TCERG1: variants seen among roughly 807,000 people sequenced by gnomAD.
TCERG1 encodes the protein transcription elongation regulator 1, also known as TATA box binding protein (TBP)-associated factor, RNA polymerase II, S, 150kD.
A neutral mutation model predicts 144.7 loss-of-function variants in TCERG1; 37 were observed. The ratio of observed to expected loss-of-function variants is 0.26; its 90% confidence interval spans 0.20 to 0.34. The LOEUF (loss-of-function observed/expected upper bound fraction) is 0.34. TCERG1 is among the 10% of genes least tolerant of loss of function. The pLI is 1.00. For missense variants in TCERG1, 1,027 were observed against 1,380.7 expected (o/e 0.74, Z 4.06); for synonymous variants, 492 against 458.2 (o/e 1.07, Z -0.94).
intron 1 of TCERG1, among the ~76,000 whole-genome samples, chr5:146,448,227 G>A (rs1335782327): frequency 6.6e-6 from 1 of 152,192 alleles, no homozygotes; most frequent in Non-Finnish European, 1.5e-5. Context: ...GTGGCTCCAG[G>A]AAGTGGCTTG....
At chr5:146,451,319 C>CTTTTTTTTTTTTTTTTTTTTTTTT (rs56346846) in intron 1 of TCERG1, among the ~76,000 whole-genome samples, 1 of 138,892 alleles carries the variant, frequency 7.2e-6, no homozygotes, top group Non-Finnish European at 1.5e-5. Context: ...ATCCATATTC[C>CTTTTTTTTTTTTTTTTTTTTTTTT]TTTTTTTTTT....
chr5:146,463,548 C>CA lies in TCERG1; in HGVS notation c.893-2dup. ...TACATGTTTTTGTTTTATCTTTTAT[C>CA]AGCACCCACAACACAAGATCAGACC... On this transcript the variant is annotated splice_region_variant and splice_polypyrimidine_tract_variant and intron_variant, in intron 4 of 22. Coordinates refer to ENST00000679501, the MANE Select transcript of TCERG1 (RefSeq NM_001382548.1). The CA allele has an allele frequency of 6.2e-7, 1 of 1,613,948 alleles. No individual in the cohort carries two copies. The highest frequency in any genetic ancestry group is 8.5e-7 in the Non-Finnish European group (1 of 1,179,940).
In TCERG1 at chr5:146,471,583, A is replaced by G. The variant is rs751042444; in HGVS notation, c.1601+7A>G. On this transcript the variant is annotated splice_region_variant and intron_variant, in intron 9 of 22. Transcript: ENST00000679501. ...CTATTCCTGGTACTCCATGGTATGTATTTGGCTCAAGTAGTAATTTTTTTT... is the reference window on the plus strand; with the variant it reads ...CTATTCCTGGTACTCCATGGTATGTGTTTGGCTCAAGTAGTAATTTTTTTT... 57 of 1,602,442 alleles carry G rather than the reference A, an allele frequency of 3.6e-5. No individual in the cohort carries two copies. The Middle Eastern group carries it at 1.2e-3, about 33-fold the overall frequency.
chr5:146,448,148 C>G (rs1762056837), intron 1 of TCERG1, among the ~76,000 whole-genome samples: 1 of 152,140 alleles, frequency 6.6e-6, no homozygotes, highest in Admixed American at 6.5e-5. Flanking sequence ...TGTTACTCGC[C>G]CATCTTACAG....
intron 1 of TCERG1, among the ~76,000 whole-genome samples, chr5:146,454,581 G>GT (rs1391609927): frequency 6.8e-6 from 1 of 147,240 alleles, no homozygotes; most frequent in Non-Finnish European, 1.5e-5. Context: ...TTTTTTTTTT[G>GT]TTTTTTTGGT....
chr5:146,468,550 A>G (rs150462342), intron 6 of TCERG1, 147 bp downstream of exon 6: 4 of 618,504 alleles, frequency 6.5e-6, no homozygotes, highest in Non-Finnish European at 7.7e-6. Flanking sequence ...TGCAGTTGTC[A>G]TATTTGGCCA....
At chr5:146,457,830 G>C (rs1762961223) in intron 3 of TCERG1, among the ~76,000 whole-genome samples, 1 of 152,138 alleles carries the variant, frequency 6.6e-6, no homozygotes, top group African/African-American at 2.4e-5. Context: ...GCTGTGGGGT[G>C]GAATTACCTA....
In TCERG1 at chr5:146,494,707, C is replaced by T. The variant is rs150853296; in HGVS notation, c.2282+1669C>T. Among the ~76,000 whole-genome samples the T allele has an allele frequency of 2.6e-5, 4 of 152,008 alleles. No individual in the cohort carries two copies. The East Asian group carries it at 7.7e-4, about 29-fold the overall frequency. ...TTTTTTAAAGTGGGAAAAAATATTG[C>T]AGAACCTTTTAGTAGAGCTAGTAAA... On this transcript the variant is annotated intron_variant, in intron 16 of 22. Coordinates refer to ENST00000679501, the MANE Select transcript of TCERG1 (RefSeq NM_001382548.1).
chr5:146,447,461 A>G (rs1249369248), intron 1 of TCERG1, 53 bp downstream of exon 1: 2 of 1,579,758 alleles, frequency 1.3e-6, no homozygotes, highest in Non-Finnish European at 1.7e-6. Context: ...CCCAGAGGCT[A>G]GACGCTAGAC....
chr5:146,481,871 G>A (rs1765393909), intron 13 of TCERG1: 1 of 152,070 alleles, frequency 6.6e-6, no homozygotes, highest in African/African-American at 2.4e-5. Flanking sequence ...CCTTACACCT[G>A]AGGTGCATTT....
At chr5:146,487,038 C>T (rs144925837) in intron 15 of TCERG1, among the ~76,000 whole-genome samples, 4 of 151,926 alleles carry the variant, frequency 2.6e-5, no homozygotes, top group East Asian at 3.9e-4. Context: ...TGCAGTGAAC[C>T]GAGATTGTGC....
At chr5:146,474,374 C>T (rs995508924) in intron 9 of TCERG1, among the ~76,000 whole-genome samples, 16 of 152,288 alleles carry the variant, frequency 1.1e-4, no homozygotes, top group Middle Eastern at 3.4e-3. Context: ...TCAGGAGTTG[C>T]TTCTTATGTA....
At chr5:146,487,056 CT>C (rs1765904943) in intron 15 of TCERG1, among the ~76,000 whole-genome samples, 1 of 151,716 alleles carries the variant, frequency 6.6e-6, no homozygotes, top group Admixed American at 6.6e-5. Flanking sequence ...TGCCATCGCA[CT>C]CCACCCTGGG....
At chr5:146,454,593 GTTT>G (rs1762663748) in intron 1 of TCERG1, among the ~76,000 whole-genome samples, 2 of 150,826 alleles carry the variant, frequency 1.3e-5, no homozygotes, top group African/African-American at 4.9e-5. Flanking sequence ...TTTTTTGGTT[GTTT>G]GTTTGTTTGT....
chr5:146,457,541 C>A (rs1046154421), intron 3 of TCERG1, among the ~76,000 whole-genome samples: 1 of 152,214 alleles, frequency 6.6e-6, no homozygotes, highest in Non-Finnish European at 1.5e-5. Context: ...ACACATTTAC[C>A]TGTGATTCTG....
At chr5:146,475,482 C>G (rs1389768469) in intron 9 of TCERG1, among the ~76,000 whole-genome samples, 1 of 152,096 alleles carries the variant, frequency 6.6e-6, no homozygotes, top group African/African-American at 2.4e-5. Flanking sequence ...CTCTAAACAT[C>G]CTATTATGCA....
At chr5:146,458,155 GTTATTTTATT>G (rs576690412) in intron 3 of TCERG1, among the ~76,000 whole-genome samples, 1 of 151,540 alleles carries the variant, frequency 6.6e-6, no homozygotes, top group African/African-American at 2.4e-5. Context: ...CTGGCCCTAA[GTTATTTTATT>G]TTATTTTATT....
chr5:146,475,169 G>T (rs1441993814), intron 9 of TCERG1, among the ~76,000 whole-genome samples: 1 of 152,088 alleles, frequency 6.6e-6, no homozygotes, highest in Non-Finnish European at 1.5e-5. Context: ...TGTTATTGAA[G>T]AAATAAATGT....
At chr5:146,456,785 T>A (rs1005103958) in intron 2 of TCERG1, among the ~76,000 whole-genome samples, 4 of 152,248 alleles carry the variant, frequency 2.6e-5, no homozygotes, top group Admixed American at 2.6e-4. Context: ...ATTTTGAAAC[T>A]CATTTTTATG....
Sources: allele counts gnomAD v4.1 joint callset (sites outside exome capture counted in the v4.1 genomes callset), GRCh38; gene constraint gnomAD v4.1.1; transcripts MANE v1.5; gene names NCBI Gene and HGNC (gene_info 2026-07-23, HGNC 2026-07-21).